The following ANKRD45 variants were observed in gnomAD, a reference collection of about 807,000 sequenced individuals.
The protein encoded by ANKRD45 is ankyrin repeat domain 45.
A neutral mutation model predicts 28.1 loss-of-function variants in ANKRD45; 21 were observed. That is an observed-to-expected ratio of 0.75 (90% CI 0.53 to 1.08). The LOEUF is 1.08. Among genes scored for constraint, ANKRD45 ranks in the 50% least tolerant of loss-of-function variants. The probability of loss-of-function intolerance (pLI) is 0.00; values close to 1 mark genes in which losing one functional copy is unlikely to be tolerated. For missense variants in ANKRD45, 261 were observed against 308.7 expected (o/e 0.85, Z 1.16); for synonymous variants, 86 against 103.9 (o/e 0.83, Z 1.05).
chr1:173,674,096 T>C (rs1416698716), upstream of ANKRD45, among the ~76,000 whole-genome samples: 1 of 152,048 alleles, frequency 6.6e-6, no homozygotes, highest in East Asian at 1.9e-4. Context: ...GTAGCCTCAT[T>C]CTCCCCAGGC....
chr1:173,708,009 T>A, the ANKRD45 span, among the ~76,000 whole-genome samples: 1 of 152,254 alleles, frequency 6.6e-6, no homozygotes, highest in Admixed American at 6.5e-5. Flanking sequence ...ATTTATCTGT[T>A]TATATGCCCA....
chr1:173,611,529 C>A (rs1667147938), intron 5 of ANKRD45, among the ~76,000 whole-genome samples: 1 of 147,980 alleles, frequency 6.8e-6, no homozygotes. Flanking sequence ...TACTGATTAT[C>A]CACATGCAAA....
chr1:173,642,061 T>C (rs886174720), intron 3 of ANKRD45, among the ~76,000 whole-genome samples: 2 of 152,224 alleles, frequency 1.3e-5, no homozygotes, highest in Non-Finnish European at 2.9e-5. Flanking sequence ...GTTGTACCTT[T>C]ATTCCTAATA....
At chr1:173,682,941 C>CT in the ANKRD45 span, among the ~76,000 whole-genome samples, 1 of 149,778 alleles carries the variant, frequency 6.7e-6, no homozygotes, top group Non-Finnish European at 1.5e-5. Flanking sequence ...TTGCCTCTCT[C>CT]TTTTTTTTTC....
intron 5 of ANKRD45, among the ~76,000 whole-genome samples, chr1:173,615,152 C>T (rs1042890145): frequency 5.9e-5 from 9 of 151,900 alleles, no homozygotes; most frequent in South Asian, 4.2e-4. Context: ...CCCCCCAGAC[C>T]GGGCGCGGTG....
intron 5 of ANKRD45, among the ~76,000 whole-genome samples, chr1:173,615,736 A>T (rs1162810090): frequency 6.6e-6 from 1 of 152,224 alleles, no homozygotes; most frequent in African/African-American, 2.4e-5. Flanking sequence ...AAAAATTTTC[A>T]TACAACAGTT....
At chr1:173,698,009 G>A in the ANKRD45 span, among the ~76,000 whole-genome samples, 1 of 151,564 alleles carries the variant, frequency 6.6e-6, no homozygotes, top group African/African-American at 2.4e-5. Context: ...AAAAGCAGGA[G>A]TTGCAATCCT....
chr1:173,627,293 C>T lies in ANKRD45; in HGVS notation c.497-134G>A, dbSNP rs143505166. On this transcript the variant is annotated intron_variant, in intron 3 of 5. Coordinates refer to ENST00000333279, the MANE Select transcript of ANKRD45 (RefSeq NM_198493.3). ...TTGAAAAACTATCCATACAAAAAAGCACCAACATGAGAACCAAAAATCAGG... is the reference window on the plus strand; with the variant it reads ...TTGAAAAACTATCCATACAAAAAAGTACCAACATGAGAACCAAAAATCAGG... 723 of 632,108 alleles carry T rather than the reference C, an allele frequency of 1.1e-3. 5 individuals are homozygous for T. In the African/African-American group the frequency reaches 0.012, roughly 11 times the overall value. 39.2% of individuals were successfully genotyped at this position (632,108 alleles called of 1,614,324 possible). A position where few individuals can be genotyped will look rare whatever the true frequency, so the allele number is the denominator to read the frequency against.
chr1:173,626,093 G>T (rs1448941057), intron 4 of ANKRD45, among the ~76,000 whole-genome samples: 1 of 152,044 alleles, frequency 6.6e-6, no homozygotes. Flanking sequence ...CATTTTGTTT[G>T]TTTCACAAGA....
the ANKRD45 span, among the ~76,000 whole-genome samples, chr1:173,703,349 G>A: frequency 1.3e-5 from 2 of 151,730 alleles, no homozygotes; most frequent in Admixed American, 6.6e-5. Flanking sequence ...GACTACAGGC[G>A]CCTGCCACCA....
the ANKRD45 span, among the ~76,000 whole-genome samples, chr1:173,698,971 A>T: frequency 6.6e-6 from 1 of 152,180 alleles, no homozygotes; most frequent in Non-Finnish European, 1.5e-5. Context: ...TAGATGCAAT[A>T]AAAAATGATA....
At chr1:173,689,557 G>A in the ANKRD45 span, among the ~76,000 whole-genome samples, 1 of 152,016 alleles carries the variant, frequency 6.6e-6, no homozygotes, top group African/African-American at 2.4e-5. Context: ...GTGACAAATT[G>A]GAGTTTCAAC....
chr1:173,671,755 G>C (rs551357373), upstream of ANKRD45, among the ~76,000 whole-genome samples: 1 of 151,284 alleles, frequency 6.6e-6, no homozygotes, highest in African/African-American at 2.4e-5. Context: ...GGTGGTATGC[G>C]CCTGTAGTCC....
chr1:173,714,527 A>G, the ANKRD45 span, among the ~76,000 whole-genome samples: 2 of 152,192 alleles, frequency 1.3e-5, no homozygotes, highest in Admixed American at 6.5e-5. Flanking sequence ...TGGTCTGTCT[A>G]TCTAACTTCT....
chr1:173,694,005 T>A, the ANKRD45 span, among the ~76,000 whole-genome samples: 2 of 152,208 alleles, frequency 1.3e-5, no homozygotes, highest in African/African-American at 2.4e-5. Context: ...TGGGTTAGAT[T>A]TCTGCCCATT....
At chr1:173,611,857 T>C (rs1571669985) in intron 5 of ANKRD45, among the ~76,000 whole-genome samples, 1 of 152,088 alleles carries the variant, frequency 6.6e-6, no homozygotes, top group Non-Finnish European at 1.5e-5. Flanking sequence ...ATCCAGAGAA[T>C]GGGAGGAAAT....
At chr1:173,626,346 T>C (rs1667936689) in intron 4 of ANKRD45, among the ~76,000 whole-genome samples, 1 of 152,314 alleles carries the variant, frequency 6.6e-6, no homozygotes, top group Non-Finnish European at 1.5e-5. Flanking sequence ...CCACAGGGAA[T>C]GCTTAGATCT....
intron 3 of ANKRD45, among the ~76,000 whole-genome samples, chr1:173,642,968 A>G (rs1668762862): frequency 2.0e-5 from 3 of 152,156 alleles, no homozygotes; most frequent in African/African-American, 7.2e-5. Flanking sequence ...CAGAAAGTAA[A>G]CTAGCCTTGC....
chr1:173,679,159 C>T, the ANKRD45 span, among the ~76,000 whole-genome samples: 1 of 152,178 alleles, frequency 6.6e-6, no homozygotes, highest in Non-Finnish European at 1.5e-5. Flanking sequence ...CCCCATCAAG[C>T]TACCATTGAC....
Sources: allele counts gnomAD v4.1 joint callset (sites outside exome capture counted in the v4.1 genomes callset), GRCh38; gene constraint gnomAD v4.1.1; transcripts MANE v1.5; gene names NCBI Gene and HGNC (gene_info 2026-07-23, HGNC 2026-07-21).